The following LRIG1 variants were observed in gnomAD, a reference collection of about 807,000 sequenced individuals.
LRIG1 encodes the protein leucine-rich repeats and immunoglobulin-like domains protein 1.
In LRIG1, 48 loss-of-function variants were observed where a neutral mutation model predicts 99.2. That is an observed-to-expected ratio of 0.48 (90% CI 0.38 to 0.62). LRIG1 has a LOEUF of 0.62. LRIG1 is among the 20% of genes least tolerant of loss of function. The pLI, the probability that LRIG1 is intolerant of heterozygous loss-of-function variation, is 0.00. For synonymous variants in LRIG1, 772 were observed against 596.1 expected (o/e 1.29, Z -4.30); for missense variants, 1,646 against 1,434.4 (o/e 1.15, Z -2.38).
At chr3:66,479,912 A>G (rs1700809382) in intron 1 of LRIG1, among the ~76,000 whole-genome samples, 1 of 152,210 alleles carries the variant, frequency 6.6e-6, no homozygotes, top group Non-Finnish European at 1.5e-5. Flanking sequence ...AAAGTCAAAC[A>G]TAGAATTGCC....
Position 66,383,181 on chromosome 3 carries a change from C to G in LRIG1, c.2292G>C (p.Glu764Asp). 6.2e-7 allele frequency: 1 copy of G among 1,614,248 alleles called. No homozygotes were observed. Among genetic ancestry groups the G allele is most frequent in the Non-Finnish European group, 8.5e-7 (1 of 1,180,048 alleles). Residue 764 changes from glutamate (E) to aspartate (D), a missense_variant, in exon 15 of 19, where the codon GAG becomes GAC. Transcript: ENST00000273261. ...VAEDAGRYTC[E>D]MSNTLGTERA... Reference sequence around the variant, plus strand: ...GCTCCGTGCCCAGGGTGTTGGACATCTCACAGGTATATCGGCCCGCATCCT... The same window carrying G: ...GCTCCGTGCCCAGGGTGTTGGACATGTCACAGGTATATCGGCCCGCATCCT...
chr3:66,383,415 A>G lies in LRIG1; in HGVS notation c.2072-14T>C. The G allele has an allele frequency of 6.5e-7, 1 of 1,528,550 alleles. No homozygotes were observed. Among genetic ancestry groups the G allele is most frequent in the East Asian group, 2.3e-5 (1 of 43,918 alleles). 94.7% of individuals were successfully genotyped at this position (1,528,550 alleles called of 1,614,324 possible). A position where few individuals can be genotyped will look rare whatever the true frequency, so the allele number is the denominator to read the frequency against. On this transcript the variant is annotated splice_polypyrimidine_tract_variant and intron_variant, in intron 14 of 18. Coordinates refer to ENST00000273261, the MANE Select transcript of LRIG1 (RefSeq NM_015541.3). Reference sequence around the variant, plus strand: ...AGGATGGGGTCTCTACAAGAGAGCAACAGAGATCTTAGTCATTCTCAGGGC... The same window carrying G: ...AGGATGGGGTCTCTACAAGAGAGCAGCAGAGATCTTAGTCATTCTCAGGGC...
chr3:66,500,680 G>C lies in LRIG1; in HGVS notation c.-273C>G. 3 of 262,176 alleles carry C rather than the reference G, an allele frequency of 1.1e-5. No individual in the cohort carries two copies. The highest frequency in any genetic ancestry group is 2.1e-5 in the Non-Finnish European group (3 of 139,666). 16.2% of individuals were successfully genotyped at this position (262,176 alleles called of 1,614,324 possible). ...CTAGCTGCGAACTCCGCCGATTCGG[G>C]CAAGGTGTACCCAGCCTGCGCTCTT... On this transcript the variant is annotated 5_prime_UTR_variant, in exon 1 of 19. Transcript: ENST00000273261.
chr3:66,428,607 T>G (rs542733632), intron 3 of LRIG1, among the ~76,000 whole-genome samples: 13 of 152,350 alleles, frequency 8.5e-5, no homozygotes, highest in African/African-American at 3.1e-4. Flanking sequence ...AGATGAGACA[T>G]TTTTCAAGAA....
intron 1 of LRIG1, among the ~76,000 whole-genome samples, chr3:66,490,835 T>C (rs1027899915): frequency 2.1e-4 from 32 of 152,184 alleles, no homozygotes; most frequent in African/African-American, 7.5e-4. Flanking sequence ...TTTTCACAGA[T>C]AGAAGATGGA....
chr3:66,417,626 C>T (rs966731637), intron 3 of LRIG1: 1 of 208,718 alleles, frequency 4.8e-6, no homozygotes, highest in Admixed American at 5.2e-5. Flanking sequence ...CAGCTCCAGT[C>T]CAACTCTCAC....
At chr3:66,471,672 C>T (rs1195213821) in intron 1 of LRIG1, among the ~76,000 whole-genome samples, 1 of 152,222 alleles carries the variant, frequency 6.6e-6, no homozygotes, top group African/African-American at 2.4e-5. Flanking sequence ...GAAAACCACG[C>T]TCTACTGCGG....
At position 66,500,743 on chromosome 3, in the gene LRIG1, C is replaced by T. The variant is rs564179627; in HGVS notation, c.-336G>A. 29 of 183,664 alleles carry T rather than the reference C, an allele frequency of 1.6e-4. No individual in the cohort carries two copies. In the South Asian group the frequency reaches 5.0e-3, roughly 32 times the overall value. 11.4% of individuals were successfully genotyped at this position (183,664 alleles called of 1,614,324 possible). A position where few individuals can be genotyped will look rare whatever the true frequency, so the allele number is the denominator to read the frequency against. The stretch of plus-strand genomic sequence containing the variant: ...GCACGCCGAGTGCCGCTACCGACAC[C>T]GGCCGAGGGCAGTGCTGCCGCTGCG... On this transcript the variant is annotated 5_prime_UTR_variant, in exon 1 of 19. Transcript: ENST00000273261.
intron 1 of LRIG1, among the ~76,000 whole-genome samples, chr3:66,468,322 C>A (rs1293101597): frequency 6.6e-6 from 1 of 152,204 alleles, no homozygotes; most frequent in Non-Finnish European, 1.5e-5. Context: ...CGAACACAGA[C>A]AAAATCTCTC....
chr3:66,462,564 G>C, intron 1 of LRIG1, 55 bp from the exon 2 acceptor site: 1 of 1,250,714 alleles, frequency 8.0e-7, no homozygotes, highest in South Asian at 1.3e-5. Context: ...ATCATACCCA[G>C]AATTCAGAAA....
At chr3:66,453,259 C>G (rs1457068447) in intron 2 of LRIG1, among the ~76,000 whole-genome samples, 2 of 152,192 alleles carry the variant, frequency 1.3e-5, no homozygotes, top group Admixed American at 1.3e-4. Flanking sequence ...GATTTCTTCT[C>G]AAACACAGAG....
At chr3:66,434,377 G>C (rs1174034045) in intron 3 of LRIG1, among the ~76,000 whole-genome samples, 1 of 152,136 alleles carries the variant, frequency 6.6e-6, no homozygotes. Flanking sequence ...TAACATCATT[G>C]GTCATCATGC....
chr3:66,405,986 C>T (rs1468594841), intron 8 of LRIG1: 2 of 992,274 alleles, frequency 2.0e-6, no homozygotes, highest in East Asian at 2.3e-4. Context: ...AGACATCACA[C>T]CTGGAGACCA....
intron 3 of LRIG1, 63 bp downstream of exon 3, chr3:66,451,496 G>T: frequency 7.0e-7 from 1 of 1,426,350 alleles, no homozygotes; most frequent in Non-Finnish European, 9.8e-7. Flanking sequence ...CCAGGTATCA[G>T]CAAGGCAACA....
At chr3:66,437,227 C>T (rs1156970250) in intron 3 of LRIG1, among the ~76,000 whole-genome samples, 4 of 152,240 alleles carry the variant, frequency 2.6e-5, no homozygotes, top group African/African-American at 9.6e-5. Flanking sequence ...CTGCTGGCCC[C>T]TCAAACAAGC....
At chr3:66,466,224 G>T (rs1377102191) in intron 1 of LRIG1, among the ~76,000 whole-genome samples, 3 of 152,236 alleles carry the variant, frequency 2.0e-5, no homozygotes, top group East Asian at 3.9e-4. Flanking sequence ...AGTAGACATG[G>T]TGGGGGGAGG....
At chr3:66,437,881 G>C (rs541415944) in intron 3 of LRIG1, among the ~76,000 whole-genome samples, 1 of 152,274 alleles carries the variant, frequency 6.6e-6, no homozygotes, top group Non-Finnish European at 1.5e-5. Flanking sequence ...GCAGGTACAG[G>C]ATCCAGAGAC....
intron 3 of LRIG1, among the ~76,000 whole-genome samples, chr3:66,436,762 G>C (rs1305024038): frequency 1.3e-5 from 2 of 152,070 alleles, no homozygotes; most frequent in Non-Finnish European, 2.9e-5. Flanking sequence ...TACTGCCAGG[G>C]GAACGTGAGG....
intron 3 of LRIG1, among the ~76,000 whole-genome samples, chr3:66,440,135 T>C (rs1015652304): frequency 6.6e-6 from 1 of 152,126 alleles, no homozygotes; most frequent in African/African-American, 2.4e-5. Context: ...TATCCAGCTG[T>C]GGCTTATTAA....
Sources: allele counts gnomAD v4.1 joint callset (sites outside exome capture counted in the v4.1 genomes callset), GRCh38; gene constraint gnomAD v4.1.1; transcripts MANE v1.5; gene names NCBI Gene and HGNC (gene_info 2026-07-23, HGNC 2026-07-21).